GRID2: variants seen among roughly 807,000 people sequenced by gnomAD.
The protein encoded by GRID2 is glutamate ionotropic receptor delta type subunit 2.
A neutral mutation model predicts 114.8 loss-of-function variants in GRID2; 33 were observed. The ratio of observed to expected loss-of-function variants is 0.29; its 90% CI spans 0.22 to 0.38. The LOEUF is 0.38. GRID2 is among the 10% of genes least tolerant of loss of function. The pLI is 1.00. For missense variants in GRID2, 1,184 were observed against 1,257.7 expected (o/e 0.94, Z 0.89); for synonymous variants, 505 against 449.9 (o/e 1.12, Z -1.55).
At chr4:92,792,194 TTTAA>T (rs776813676) in intron 2 of GRID2, among the ~76,000 whole-genome samples, 1 of 151,790 alleles carries the variant, frequency 6.6e-6, no homozygotes, top group Non-Finnish European at 1.5e-5. Context: ...CACATTATTG[TTTAA>T]TTACTTACTG....
At chr4:93,086,716 G>A (rs775935138) in intron 3 of GRID2, among the ~76,000 whole-genome samples, 6 of 152,030 alleles carry the variant, frequency 3.9e-5, no homozygotes, top group African/African-American at 9.7e-5. Context: ...TAAACAAAAA[G>A]GATATTAAAA....
intron 2 of GRID2, among the ~76,000 whole-genome samples, chr4:92,676,753 C>T (rs1265361247): frequency 6.6e-6 from 1 of 151,974 alleles, no homozygotes; most frequent in Non-Finnish European, 1.5e-5. Flanking sequence ...CCATGTGATT[C>T]AGCAATTTCA....
chr4:93,448,575 AAT>A (rs1170256106), intron 10 of GRID2, among the ~76,000 whole-genome samples: 1 of 152,008 alleles, frequency 6.6e-6, no homozygotes, highest in African/African-American at 2.4e-5. Flanking sequence ...CTTTATTACA[AAT>A]AGTGTTCCCT....
intron 13 of GRID2, among the ~76,000 whole-genome samples, chr4:93,598,056 A>G (rs1429975185): frequency 6.6e-6 from 1 of 152,216 alleles, no homozygotes; most frequent in Non-Finnish European, 1.5e-5. Flanking sequence ...CGAACAATGG[A>G]CTATCATATA....
intron 3 of GRID2, among the ~76,000 whole-genome samples, chr4:93,100,689 G>T (rs1731617682): frequency 6.6e-6 from 1 of 151,970 alleles, no homozygotes; most frequent in South Asian, 2.1e-4. Context: ...CAGTACTGAA[G>T]CCTTTTTCTA....
At chr4:92,964,148 T>G (rs1752988820) in intron 2 of GRID2, among the ~76,000 whole-genome samples, 1 of 151,976 alleles carries the variant, frequency 6.6e-6, no homozygotes, top group Non-Finnish European at 1.5e-5. Context: ...GCTCTAGGAT[T>G]TTTGGAAAAG....
At chr4:93,375,125 C>T (rs996529695) in intron 8 of GRID2, among the ~76,000 whole-genome samples, 1 of 152,014 alleles carries the variant, frequency 6.6e-6, no homozygotes, top group African/African-American at 2.4e-5. Context: ...TGCAGCTTTC[C>T]GTTGCCTCTA....
intron 2 of GRID2, among the ~76,000 whole-genome samples, chr4:92,674,149 A>G (rs998799093): frequency 6.6e-6 from 1 of 152,120 alleles, no homozygotes; most frequent in African/African-American, 2.4e-5. Flanking sequence ...TGAGTTTCTT[A>G]GGCCTTCAGT....
chr4:92,597,251 A>T (rs2149216342), intron 2 of GRID2, among the ~76,000 whole-genome samples: 1 of 152,264 alleles, frequency 6.6e-6, no homozygotes, highest in East Asian at 1.9e-4. Flanking sequence ...TTTACCTTTA[A>T]ACAAAATATT....
At chr4:92,687,060 T>C (rs1733940068) in intron 2 of GRID2, among the ~76,000 whole-genome samples, 1 of 152,182 alleles carries the variant, frequency 6.6e-6, no homozygotes, top group African/African-American at 2.4e-5. Flanking sequence ...TTCAAATAAG[T>C]CATAAATTAA....
chr4:92,500,463 G>T (rs1207435438), intron 1 of GRID2, among the ~76,000 whole-genome samples: 1 of 152,108 alleles, frequency 6.6e-6, no homozygotes, highest in East Asian at 1.9e-4. Flanking sequence ...GTGGACTTAA[G>T]TGAAATTTCT....
intron 8 of GRID2, among the ~76,000 whole-genome samples, chr4:93,243,978 T>TA (rs900677079): frequency 4.5e-4 from 68 of 149,962 alleles, no homozygotes; most frequent in Admixed American, 8.0e-4. Flanking sequence ...ATAGAATTTC[T>TA]AAAAAAAAAA....
intron 1 of GRID2, among the ~76,000 whole-genome samples, chr4:92,442,242 C>T (rs1048157419): frequency 8.6e-5 from 13 of 151,902 alleles, no homozygotes; most frequent in Non-Finnish European, 1.5e-4. Flanking sequence ...GCCGCTAAGC[C>T]GAGAAGATCT....
At chr4:93,137,460 C>G (rs935371131) in intron 4 of GRID2, among the ~76,000 whole-genome samples, 1 of 152,016 alleles carries the variant, frequency 6.6e-6, no homozygotes, top group Non-Finnish European at 1.5e-5. Context: ...ATATTTTAGG[C>G]CTAGAAGGAA....
At chr4:92,723,728 G>C (rs987202074) in intron 2 of GRID2, among the ~76,000 whole-genome samples, 1 of 152,024 alleles carries the variant, frequency 6.6e-6, no homozygotes, top group Admixed American at 6.6e-5. Context: ...CACTTTCCCT[G>C]GTTCTGCTAA....
chr4:92,947,953 A>G (rs1751760165), intron 2 of GRID2, among the ~76,000 whole-genome samples: 1 of 151,908 alleles, frequency 6.6e-6, no homozygotes, highest in African/African-American at 2.4e-5. Context: ...TATGCCATCA[A>G]ATATGCTTCT....
intron 1 of GRID2, among the ~76,000 whole-genome samples, chr4:92,396,810 G>A: frequency 6.6e-6 from 1 of 152,020 alleles, no homozygotes; most frequent in East Asian, 1.9e-4. Flanking sequence ...GGTGCTTCCA[G>A]TCCTGGATGA....
chr4:92,368,649 T>C (rs912690603), intron 1 of GRID2, among the ~76,000 whole-genome samples: 1 of 152,028 alleles, frequency 6.6e-6, no homozygotes, highest in Non-Finnish European at 1.5e-5. Context: ...TGAAGGGCAT[T>C]ATGTGAGAGA....
In GRID2 at chr4:92,883,908, T is replaced by C. The variant is rs762718488; in HGVS notation, c.245-201087T>C. On this transcript the variant is annotated intron_variant, in intron 2 of 15. Transcript: ENST00000282020. ...GGATTTTCAGAATGGTAAATAAGCA[T>C]TGACTTCAGCTTAGGGTTGTCAGTT... Among the ~76,000 whole-genome samples the C allele has an allele frequency of 4.6e-5, 7 of 152,318 alleles. No individual in the cohort carries two copies. In the East Asian group the frequency reaches 1.4e-3, roughly 29 times the overall value.
Sources: gnomAD v4.1 joint callset for allele counts (sites outside exome capture counted in the v4.1 genomes callset) on GRCh38, gnomAD v4.1.1 for gene constraint, MANE v1.5 for transcripts, NCBI Gene and HGNC (gene_info 2026-07-23, HGNC 2026-07-21) for gene names.